The following IGF2BP3 variants were observed in gnomAD, a reference collection of about 807,000 sequenced individuals.
IGF2BP3 encodes the protein insulin-like growth factor 2 mRNA-binding protein 3.
IGF2BP3 carries 9 observed loss-of-function variants against 73.8 expected under a neutral mutation model. The ratio of observed to expected loss-of-function variants is 0.12; its 90% CI spans 0.07 to 0.21. The LOEUF (loss-of-function observed/expected upper bound fraction) is 0.21, where lower values mean the gene tolerates loss of function less well. Among genes scored for constraint, IGF2BP3 ranks in the 10% least tolerant of loss-of-function variants. The probability of loss-of-function intolerance (pLI) is 1.00; values close to 1 mark genes in which losing one functional copy is unlikely to be tolerated. For synonymous variants in IGF2BP3, 258 were observed against 256.7 expected, an observed-to-expected ratio of 1.01 and a Z score of -0.05; for missense variants, 542 against 714.0, an observed-to-expected ratio of 0.76 and a Z score of 2.75.
At chr7:23,409,417 G>A (rs934626620) in intron 3 of IGF2BP3, among the ~76,000 whole-genome samples, 6 of 152,132 alleles carry the variant, frequency 3.9e-5, no homozygotes, top group Non-Finnish European at 7.4e-5. Context: ...CAAAATACAC[G>A]TGGAAAAGCA....
intron 10 of IGF2BP3, among the ~76,000 whole-genome samples, chr7:23,322,309 G>A (rs1784178930): frequency 6.6e-6 from 1 of 152,230 alleles, no homozygotes; most frequent in Admixed American, 6.5e-5. Context: ...TCAACTGGAA[G>A]AAAGGGTATC....
intron 3 of IGF2BP3, among the ~76,000 whole-genome samples, chr7:23,408,536 A>G (rs948913164): frequency 6.6e-6 from 1 of 152,234 alleles, no homozygotes; most frequent in African/African-American, 2.4e-5. Context: ...GTTAGAACAC[A>G]CTTGGGCACT....
chr7:23,435,248 G>C (rs139545939), intron 2 of IGF2BP3, among the ~76,000 whole-genome samples: 2,762 of 117,212 alleles, frequency 0.024, 99 homozygotes, highest in African/African-American at 0.086. Flanking sequence ...AACAAAGATC[G>C]CACCATTGCA....
rs773764892 is a variant in IGF2BP3, at chr7:23,342,090, T to C, written c.1177A>G (p.Met393Val). ...TCAAACTGCGGGTAGGGAGGAGTCA[T>C]GGCTGAAGGGGGCCCTGAGGTGGGA... is the stretch of plus-strand genomic sequence containing the variant. Reference protein sequence around the residue: ...PPPTSGPPSAMTPPYPQFEQS... With the variant: ...PPPTSGPPSAVTPPYPQFEQS... Residue 393 changes from methionine (M) to valine (V), a missense_variant, in exon 10 of 15, where the codon ATG becomes GTG. Coordinates refer to ENST00000258729, the MANE Select transcript of IGF2BP3 (RefSeq NM_006547.3). 1.9e-6 allele frequency: 3 copies of C among 1,598,642 alleles called. No homozygotes were observed. Among genetic ancestry groups the C allele is most frequent in the Non-Finnish European group, 1.7e-6 (2 of 1,175,294 alleles).
At chr7:23,350,899 A>C (rs569961706) in intron 6 of IGF2BP3, among the ~76,000 whole-genome samples, 3 of 152,352 alleles carry the variant, frequency 2.0e-5, no homozygotes, top group Non-Finnish European at 4.4e-5. Context: ...GAGTAAGGCA[A>C]GACTGAAAAA....
rs2128490629 is a variant in IGF2BP3 at position 23,312,200 on chromosome 7, TCA to T, written c.*160_*161del. ...TTCAGAGAGCATAAAGTATACATTC[TCA>T]CAGAGACAGGAGTTCAAAAGTTGCC... On this transcript the variant is annotated 3_prime_UTR_variant, in exon 15 of 15. Coordinates refer to ENST00000258729, the MANE Select transcript of IGF2BP3 (RefSeq NM_006547.3). 1 of 590,622 alleles carries T rather than the reference TCA, an allele frequency of 1.7e-6. No individual in the cohort carries two copies. Among genetic ancestry groups the T allele is most frequent in the Non-Finnish European group, 3.1e-6 (1 of 324,738 alleles). 36.6% of individuals were successfully genotyped at this position (590,622 alleles called of 1,614,324 possible).
At position 23,312,146 on chromosome 7, in the gene IGF2BP3, TG is replaced by T; in HGVS notation, c.*215del. On this transcript the variant is annotated 3_prime_UTR_variant, in exon 15 of 15. Transcript: ENST00000258729. ...CCCACCCTTTTTTTGTTTGTTTGTT[TG>T]TTTGTTTTAAAGCTGGGTGTCATAC... 1 of 483,532 alleles carries T rather than the reference TG, an allele frequency of 2.1e-6. No homozygotes were observed. The highest frequency in any genetic ancestry group is 3.7e-6 in the Non-Finnish European group (1 of 272,330). 30.0% of individuals were successfully genotyped at this position (483,532 alleles called of 1,614,324 possible). A position where few individuals can be genotyped will look rare whatever the true frequency, so the allele number is the denominator to read the frequency against.
At chr7:23,375,066 T>C (rs1260369979) in intron 3 of IGF2BP3, among the ~76,000 whole-genome samples, 2 of 152,242 alleles carry the variant, frequency 1.3e-5, no homozygotes, top group Non-Finnish European at 2.9e-5. Flanking sequence ...GCAATATTTG[T>C]TGAGTTTTAA....
At chr7:23,453,182 G>C (rs1407650764) in intron 2 of IGF2BP3, among the ~76,000 whole-genome samples, 2 of 152,168 alleles carry the variant, frequency 1.3e-5, no homozygotes, top group Non-Finnish European at 2.9e-5. Context: ...GTGTTACCCA[G>C]GATGGTCTCC....
At chr7:23,343,902 G>C (rs371599839) in intron 8 of IGF2BP3, 49 bp from the exon 9 acceptor site, 1 of 1,583,916 alleles carries the variant, frequency 6.3e-7, no homozygotes, top group Non-Finnish European at 8.6e-7. Flanking sequence ...ATTGGAGGAA[G>C]ACAGCTAATA....
chr7:23,378,178 G>A (rs10227690), intron 3 of IGF2BP3, among the ~76,000 whole-genome samples: 2 of 152,036 alleles, frequency 1.3e-5, no homozygotes, highest in East Asian at 1.9e-4. Flanking sequence ...AAGACCCAAC[G>A]ATGTTGAAAA....
intron 3 of IGF2BP3, among the ~76,000 whole-genome samples, chr7:23,388,628 T>TC (rs1554326399): frequency 1.2e-4 from 18 of 150,914 alleles, no homozygotes; most frequent in South Asian, 2.1e-4. Flanking sequence ...TTTTTTTTTT[T>TC]CCAGTCCAAG....
intron 3 of IGF2BP3, among the ~76,000 whole-genome samples, chr7:23,364,183 C>T (rs770861196): frequency 2.0e-5 from 3 of 151,784 alleles, no homozygotes; most frequent in Non-Finnish European, 4.4e-5. Context: ...AGAGCAGCCT[C>T]ATCAACATGG....
intron 2 of IGF2BP3, among the ~76,000 whole-genome samples, chr7:23,453,480 A>G (rs536494906): frequency 1.7e-4 from 26 of 152,162 alleles, no homozygotes; most frequent in Non-Finnish European, 2.9e-4. Flanking sequence ...ACAGACTCCC[A>G]CCTACTAGAG....
At chr7:23,383,176 G>A (rs1396493685) in intron 3 of IGF2BP3, among the ~76,000 whole-genome samples, 1 of 152,140 alleles carries the variant, frequency 6.6e-6, no homozygotes, top group South Asian at 2.1e-4. Context: ...TAAATACAGG[G>A]AATAGTGATG....
At chr7:23,381,073 A>G (rs1308409750) in intron 3 of IGF2BP3, among the ~76,000 whole-genome samples, 4 of 152,344 alleles carry the variant, frequency 2.6e-5, no homozygotes, top group Admixed American at 2.6e-4. Context: ...TCACAGCTGT[A>G]TCTAGAACAG....
chr7:23,383,893 G>A (rs570404347), intron 3 of IGF2BP3, among the ~76,000 whole-genome samples: 2 of 151,848 alleles, frequency 1.3e-5, no homozygotes, highest in African/African-American at 2.4e-5. Flanking sequence ...TCAGGAGATC[G>A]AGACCATCCT....
At chr7:23,421,414 C>T (rs1361040244) in intron 2 of IGF2BP3, among the ~76,000 whole-genome samples, 1 of 152,106 alleles carries the variant, frequency 6.6e-6, no homozygotes, top group African/African-American at 2.4e-5. Context: ...AAGTTGCGGC[C>T]GGACACAGTG....
In IGF2BP3 at chr7:23,312,129, T is replaced by A; in HGVS notation, c.*233A>T. 4.9e-6 allele frequency: 2 copies of A among 404,200 alleles called. No homozygotes were observed. Among genetic ancestry groups the A allele is most frequent in the South Asian group, 3.8e-5 (1 of 26,194 alleles). 25.0% of individuals were successfully genotyped at this position (404,200 alleles called of 1,614,324 possible). ...TCTCTTTCCCTCCCTCCCCCACCCT[T>A]TTTTTGTTTGTTTGTTTGTTTGTTT... On this transcript the variant is annotated 3_prime_UTR_variant, in exon 15 of 15. Coordinates refer to ENST00000258729, the MANE Select transcript of IGF2BP3 (RefSeq NM_006547.3).
Sources: allele counts gnomAD v4.1 joint callset (sites outside exome capture counted in the v4.1 genomes callset), GRCh38; gene constraint gnomAD v4.1.1; transcripts MANE v1.5; gene names NCBI Gene and HGNC (gene_info 2026-07-23, HGNC 2026-07-21).